INPP4B: variants seen among roughly 807,000 people sequenced by gnomAD.
The protein encoded by INPP4B is inositol polyphosphate-4-phosphatase type II B.
In INPP4B, 55 loss-of-function variants were observed where a neutral mutation model predicts 122.5. The observed-to-expected ratio is 0.45, with a 90% CI of 0.36 to 0.56. The LOEUF (loss-of-function observed/expected upper bound fraction) is 0.56. Ranked by LOEUF, INPP4B falls within the 20% of genes least tolerant of loss-of-function variation. INPP4B has a pLI of 0.00. For missense variants in INPP4B, 1,000 were observed against 1,097.7 expected, an observed-to-expected ratio of 0.91 and a Z score of 1.26; for synonymous variants, 403 against 388.7, an observed-to-expected ratio of 1.04 and a Z score of -0.43.
intron 2 of INPP4B, among the ~76,000 whole-genome samples, chr4:142,650,752 A>C (rs1449411711): frequency 6.6e-5 from 10 of 152,204 alleles, no homozygotes; most frequent in Non-Finnish European, 1.0e-4. Context: ...AGAGATTTAG[A>C]CACCCACACA....
intron 2 of INPP4B, among the ~76,000 whole-genome samples, chr4:142,657,160 T>C (rs184071363): frequency 2.6e-5 from 4 of 152,142 alleles, no homozygotes; most frequent in African/African-American, 9.7e-5. Context: ...AGAGCTCTAA[T>C]TAATTTGGCC....
intron 2 of INPP4B, among the ~76,000 whole-genome samples, chr4:142,586,673 G>GTTTCAGTATTT (rs1560832506): frequency 1.3e-5 from 2 of 152,148 alleles, no homozygotes; most frequent in African/African-American, 4.8e-5. Context: ...TAAGGAAGAA[G>GTTTCAGTATTT]TTTCAGTATT....
At chr4:142,314,442 C>G (rs1766721106) in intron 8 of INPP4B, among the ~76,000 whole-genome samples, 1 of 152,154 alleles carries the variant, frequency 6.6e-6, no homozygotes, top group Non-Finnish European at 1.5e-5. Flanking sequence ...GGCTCTGAAA[C>G]ACAGTTCAGC....
intron 1 of INPP4B, among the ~76,000 whole-genome samples, chr4:142,824,793 C>T (rs1290640048): frequency 1.4e-5 from 2 of 141,144 alleles, no homozygotes; most frequent in Admixed American, 6.8e-5. Flanking sequence ...TAAAAAGGAT[C>T]CTTTTTTGTT....
At chr4:142,687,004 G>T (rs981500604) in intron 2 of INPP4B, among the ~76,000 whole-genome samples, 1 of 152,030 alleles carries the variant, frequency 6.6e-6, no homozygotes, top group East Asian at 1.9e-4. Context: ...ATGGGAAACA[G>T]TGATAATTTC....
chr4:142,678,225 T>G (rs900315981), intron 2 of INPP4B, among the ~76,000 whole-genome samples: 1 of 151,888 alleles, frequency 6.6e-6, no homozygotes, highest in African/African-American at 2.4e-5. Context: ...TAATAAAAAT[T>G]GAGTCAGTTC....
chr4:142,321,233 T>C (rs946914213), intron 7 of INPP4B, among the ~76,000 whole-genome samples: 21 of 152,246 alleles, frequency 1.4e-4, no homozygotes, highest in African/African-American at 5.1e-4. Flanking sequence ...TGTTGAGCAC[T>C]TTTTCATAGG....
At chr4:142,251,649 C>T (rs1430677313) in intron 11 of INPP4B, among the ~76,000 whole-genome samples, 1 of 152,226 alleles carries the variant, frequency 6.6e-6, no homozygotes, top group East Asian at 1.9e-4. Context: ...AACACCTGTT[C>T]TTCCTTGGGT....
intron 2 of INPP4B, among the ~76,000 whole-genome samples, chr4:142,600,711 G>T (rs537742192): frequency 6.6e-6 from 1 of 152,090 alleles, no homozygotes; most frequent in Admixed American, 6.5e-5. Context: ...AACAACTCTT[G>T]AATATAAATT....
At chr4:142,510,024 A>C (rs1824512359) in intron 2 of INPP4B, among the ~76,000 whole-genome samples, 1 of 152,204 alleles carries the variant, frequency 6.6e-6, no homozygotes, top group Non-Finnish European at 1.5e-5. Context: ...AGAGCAAACT[A>C]TCTCTTCCAA....
intron 11 of INPP4B, among the ~76,000 whole-genome samples, chr4:142,253,952 C>T (rs2150250155): frequency 6.6e-6 from 1 of 152,296 alleles, no homozygotes; most frequent in East Asian, 1.9e-4. Flanking sequence ...CTTAAATGTC[C>T]CTGTCTGACA....
At chr4:142,728,967 T>C (rs1226266202) in intron 1 of INPP4B, among the ~76,000 whole-genome samples, 1 of 152,080 alleles carries the variant, frequency 6.6e-6, no homozygotes, top group Admixed American at 6.6e-5. Context: ...AATCTTACGG[T>C]TAATTTAATT....
Position 142,509,849 on chromosome 4 carries a change from G to T in INPP4B, c.-190-47123C>A, listed in dbSNP as rs529792921. On this transcript the variant is annotated intron_variant, in intron 2 of 25. Coordinates refer to ENST00000262992, the MANE Select transcript of INPP4B (RefSeq NM_001101669.3). The stretch of plus-strand genomic sequence containing the variant: ...GTAAAGATTCAATAATATGATGCAT[G>T]CTCACTGCTTAACCCAGTATCTGAC... 2.6e-5 allele frequency among the ~76,000 whole-genome samples: 4 copies of T among 152,216 alleles called. No homozygotes were observed. In the East Asian group the frequency reaches 7.7e-4, roughly 29 times the overall value.
chr4:142,274,624 G>A (rs1254526404), intron 9 of INPP4B, among the ~76,000 whole-genome samples: 1 of 151,828 alleles, frequency 6.6e-6, no homozygotes, highest in East Asian at 1.9e-4. Context: ...TCATACAGAT[G>A]TATATAGCAA....
At chr4:142,393,744 A>G (rs915143120) in intron 7 of INPP4B, among the ~76,000 whole-genome samples, 3 of 152,218 alleles carry the variant, frequency 2.0e-5, no homozygotes, top group Non-Finnish European at 2.9e-5. Context: ...AACCAATCAT[A>G]CACTGCTGAG....
intron 4 of INPP4B, among the ~76,000 whole-genome samples, chr4:142,429,563 C>T (rs974476480): frequency 2.0e-5 from 3 of 151,934 alleles, no homozygotes; most frequent in Admixed American, 6.6e-5. Context: ...CATAAAGAAC[C>T]CCCTTACCAA....
chr4:142,749,308 G>A (rs2150943888), intron 1 of INPP4B, among the ~76,000 whole-genome samples: 1 of 146,080 alleles, frequency 6.8e-6, no homozygotes, highest in South Asian at 2.1e-4. Flanking sequence ...ACATATATAT[G>A]TTTATTTATA....
rs188640484 is a variant in INPP4B, at chr4:142,069,081, A to C, written c.2642+12950T>G. ...TTCCAAAATTGACCACAGAGTTGGA[A>C]GTAAAGCACTCCTCAGCAAATGTAA... On this transcript the variant is annotated intron_variant, in intron 25 of 25. Coordinates refer to ENST00000262992, the MANE Select transcript of INPP4B (RefSeq NM_001101669.3). 4.7e-4 allele frequency among the ~76,000 whole-genome samples: 71 copies of C among 152,358 alleles called. 1 individual carries two copies. The East Asian group carries it at 0.013, about 27-fold the overall frequency.
Position 142,702,235 on chromosome 4 carries a change from T to C in INPP4B, c.-191+23604A>G, listed in dbSNP as rs141897692. Among the ~76,000 whole-genome samples the C allele has an allele frequency of 2.6e-3, 396 of 152,260 alleles. 6 individuals carry two copies. Among genetic ancestry groups the C allele is most frequent in the East Asian group, 0.018 (94 of 5,180 alleles). ...TTCAAGTTCAAATTGTTTGTTACAA[T>C]TGGACACAAAAGACTCCATATAGGC... On this transcript the variant is annotated intron_variant, in intron 2 of 25. Transcript: ENST00000262992.
Sources: allele counts gnomAD v4.1 joint callset (sites outside exome capture counted in the v4.1 genomes callset), GRCh38; gene constraint gnomAD v4.1.1; transcripts MANE v1.5; gene names NCBI Gene and HGNC (gene_info 2026-07-23, HGNC 2026-07-21).